The following PDE8B variants were observed in gnomAD, a reference collection of about 807,000 sequenced individuals.
The protein encoded by PDE8B is phosphodiesterase 8B.
A neutral mutation model predicts 101.3 loss-of-function variants in PDE8B; 26 were observed. The observed-to-expected ratio is 0.26, with a 90% confidence interval of 0.19 to 0.36. The LOEUF is 0.36. PDE8B is among the 10% of genes least tolerant of loss of function. The pLI is 1.00. For missense variants in PDE8B, 810 were observed against 1,163.1 expected, an observed-to-expected ratio of 0.70 and a Z score of 4.42; for synonymous variants, 424 against 429.3, an observed-to-expected ratio of 0.99 and a Z score of 0.15.
At chr5:77,137,562 C>T in the PDE8B span, among the ~76,000 whole-genome samples, 1 of 152,172 alleles carries the variant, frequency 6.6e-6, no homozygotes, top group Non-Finnish European at 1.5e-5. Flanking sequence ...CGCCTTGATG[C>T]CATCTGTTCT....
chr5:77,209,791 G>A (rs148415780), upstream of PDE8B, among the ~76,000 whole-genome samples: 43 of 152,316 alleles, frequency 2.8e-4, no homozygotes, highest in East Asian at 7.5e-3. Context: ...TAAGGAAGAG[G>A]TGAAAATGGG....
intron 1 of PDE8B, among the ~76,000 whole-genome samples, chr5:77,259,863 A>C (rs1318092660): frequency 6.6e-6 from 1 of 152,164 alleles, no homozygotes; most frequent in East Asian, 1.9e-4. Context: ...AAGTTTGACT[A>C]TAGAAATAAA....
At chr5:77,397,221 G>A (rs1451919820) in intron 10 of PDE8B, among the ~76,000 whole-genome samples, 1 of 151,370 alleles carries the variant, frequency 6.6e-6, no homozygotes, top group Non-Finnish European at 1.5e-5. Context: ...GTAGAGACAG[G>A]GTTTCACCAT....
At chr5:77,403,499 A>C (rs1043768163) in intron 11 of PDE8B, among the ~76,000 whole-genome samples, 1 of 152,178 alleles carries the variant, frequency 6.6e-6, no homozygotes, top group East Asian at 1.9e-4. Context: ...AAGTTTCATT[A>C]GTATTATATT....
chr5:77,409,365 G>T (rs182879065), intron 14 of PDE8B, among the ~76,000 whole-genome samples: 18 of 152,120 alleles, frequency 1.2e-4, no homozygotes, highest in African/African-American at 3.6e-4. Context: ...GGCTTTGCAG[G>T]CTCTTGATTA....
At chr5:77,362,619 C>CT (rs2150569127) in intron 10 of PDE8B, among the ~76,000 whole-genome samples, 1 of 152,348 alleles carries the variant, frequency 6.6e-6, no homozygotes, top group South Asian at 2.1e-4. Flanking sequence ...TTGTGAAGGG[C>CT]TCAGTGGTGG....
At chr5:77,376,150 C>A (rs1204359795) in intron 10 of PDE8B, among the ~76,000 whole-genome samples, 2 of 152,102 alleles carry the variant, frequency 1.3e-5, no homozygotes, top group African/African-American at 4.8e-5. Flanking sequence ...GGTCTCATTT[C>A]CTAGGATTTC....
chr5:77,231,636 G>C (rs888202011), intron 1 of PDE8B, among the ~76,000 whole-genome samples: 2 of 152,210 alleles, frequency 1.3e-5, no homozygotes, highest in African/African-American at 2.4e-5. Context: ...ATCAGTCCCG[G>C]TCCCACGGGA....
chr5:77,374,851 G>A (rs1254075849), intron 10 of PDE8B, among the ~76,000 whole-genome samples: 1 of 152,092 alleles, frequency 6.6e-6, no homozygotes, highest in African/African-American at 2.4e-5. Context: ...TCTGTCTCTG[G>A]CTAATCCTGT....
intron 10 of PDE8B, among the ~76,000 whole-genome samples, chr5:77,388,685 CA>C (rs1789253379): frequency 6.6e-6 from 1 of 152,206 alleles, no homozygotes; most frequent in Admixed American, 6.5e-5. Context: ...GCCCCTTCCC[CA>C]ACATGCTCTG....
chr5:77,177,590 C>T, the PDE8B span, among the ~76,000 whole-genome samples: 8 of 152,184 alleles, frequency 5.3e-5, no homozygotes, highest in African/African-American at 1.9e-4. Context: ...TTAAAGGAAG[C>T]GCATTACAGC....
intron 17 of PDE8B, among the ~76,000 whole-genome samples, chr5:77,415,416 G>C (rs994271272): frequency 7.1e-6 from 1 of 140,370 alleles, no homozygotes; most frequent in Non-Finnish European, 1.5e-5. Flanking sequence ...GGAGTGCAAT[G>C]GCATGATCTT....
At chr5:77,320,153 A>G (rs149576060) in intron 2 of PDE8B, among the ~76,000 whole-genome samples, 1 of 152,178 alleles carries the variant, frequency 6.6e-6, no homozygotes, top group East Asian at 1.9e-4. Context: ...TTTTATTTTT[A>G]TAGAATATAA....
chr5:77,173,810 G>A, the PDE8B span, among the ~76,000 whole-genome samples: 6 of 152,130 alleles, frequency 3.9e-5, no homozygotes, highest in African/African-American at 1.4e-4. Context: ...GTGTATGTGT[G>A]TCTGGGGCGG....
the PDE8B span, among the ~76,000 whole-genome samples, chr5:77,120,162 AG>A: frequency 1.3e-5 from 2 of 152,332 alleles, no homozygotes; most frequent in South Asian, 4.1e-4. Context: ...GGGTGAAAAA[AG>A]CCTTACGCAA....
At chr5:77,393,857 C>T (rs1230322489) in intron 10 of PDE8B, among the ~76,000 whole-genome samples, 5 of 150,696 alleles carry the variant, frequency 3.3e-5, no homozygotes, top group Admixed American at 6.6e-5. Context: ...TACCAGAGGC[C>T]GGGAACCTTG....
At chr5:77,261,942 T>C (rs1760680158) in intron 1 of PDE8B, among the ~76,000 whole-genome samples, 3 of 152,254 alleles carry the variant, frequency 2.0e-5, no homozygotes, top group African/African-American at 7.2e-5. Context: ...TGTAGGTTGC[T>C]GACAGCCTCC....
chr5:77,210,996 G>T lies in PDE8B; in HGVS notation c.71G>T (p.Ser24Ile), dbSNP rs776010492. 1 of 1,546,204 alleles carries T rather than the reference G, an allele frequency of 6.5e-7. No homozygotes were observed. The highest frequency in any genetic ancestry group is 1.2e-5 in the South Asian group (1 of 85,418). ...VIYCRDSDES[S>I]SPRQTTSVSQ... ...TACTGCCGGGACTCGGACGAGTCCA[G>T]CTCGCCCCGCCAGACCACCAGCGTG... The change falls in exon 1 of 22, where the codon AGC becomes ATC. Residue 24 changes from serine (S) to isoleucine (I), a missense_variant. Ser to Ile is a moderately radical substitution (Grantham distance 142). This residue lies in a region of PDE8B where 159 missense variants were observed against 146.6 expected (regional missense o/e 1.08). Coordinates refer to ENST00000264917, the MANE Select transcript of PDE8B (RefSeq NM_003719.5). The surrounding 1 kb of genome is among the most constrained non-coding windows in gnomAD (Gnocchi z 4.9).
At chr5:77,419,002 G>A (rs1444354380) in intron 18 of PDE8B, among the ~76,000 whole-genome samples, 1 of 152,150 alleles carries the variant, frequency 6.6e-6, no homozygotes, top group Non-Finnish European at 1.5e-5. Context: ...CTGGGAAGGG[G>A]GCAGTGTACA....
Sources: gnomAD v4.1 joint callset for allele counts (sites outside exome capture counted in the v4.1 genomes callset) on GRCh38, gnomAD v4.1.1 for gene constraint, gnomAD v4.1.1 regional missense constraint, Gnocchi (gnomAD v3.1) non-coding constraint, MANE v1.5 for transcripts, NCBI Gene and HGNC (gene_info 2026-07-23, HGNC 2026-07-21) for gene names.